LCN9: variants seen among roughly 807,000 people sequenced by gnomAD.
The protein encoded by LCN9 is lipocalin 9, also known as epididymal-specific lipocalin-9.
Under a neutral mutation model 18.5 loss-of-function variants are expected in LCN9, and 22 were observed. The ratio of observed to expected loss-of-function variants is 1.19; its 90% CI spans 0.85 to 1.70. LCN9 has a LOEUF of 1.70. Among genes scored for constraint, LCN9 ranks in the 40% most tolerant of loss-of-function variants. The pLI, the probability that LCN9 is intolerant of heterozygous loss-of-function variation, is 0.00. For missense variants in LCN9, 202 were observed against 201.3 expected, an observed-to-expected ratio of 1.00 and a Z score of -0.02; for synonymous variants, 89 against 83.0, an observed-to-expected ratio of 1.07 and a Z score of -0.39.
chr9:135,666,607 C>T (rs144428001), exon 6 of LCN9, among the ~76,000 whole-genome samples: 1 of 152,258 alleles, frequency 6.6e-6, no homozygotes, highest in Non-Finnish European at 1.5e-5. Context: ...CCCAGGGCCC[C>T]CTTCCCTTCC....
At chr9:135,663,392 T>C (rs1355843933) in exon 1 of LCN9, 1 of 1,613,930 alleles carries the variant, frequency 6.2e-7, no homozygotes, top group South Asian at 1.1e-5. Context: ...CACACCGTTA[T>C]GCAGAGGAAC....
chr9:135,664,844 T>C lies in LCN9; in HGVS notation c.307+49T>C. 6.6e-7 allele frequency: 1 copy of C among 1,526,062 alleles called. No individual in the cohort carries two copies. Among genetic ancestry groups the C allele is most frequent in the Non-Finnish European group, 8.9e-7 (1 of 1,125,498 alleles). 94.5% of individuals were successfully genotyped at this position (1,526,062 alleles called of 1,614,324 possible). A position where few individuals can be genotyped will look rare whatever the true frequency, so the allele number is the denominator to read the frequency against. On this transcript the variant is annotated intron_variant, in intron 3 of 5. Transcript: ENST00000619315. This position sits in a 1 kb window ranked among gnomAD's most constrained non-coding sequence, Gnocchi z 4.5. ...TGGTCTCACAGTCGGGGGTCTCCTT[T>C]CTCCAGGGCCTGGGCCATATTCTGG...
Position 135,664,644 on chromosome 9 carries a change from G to A in LCN9, c.234-78G>A, listed in dbSNP as rs373460788. On this transcript the variant is annotated intron_variant, in intron 2 of 5. Transcript: ENST00000619315. The surrounding 1 kb of genome is among the most constrained non-coding windows in gnomAD (Gnocchi z 4.5). ...CATTGGGAGGGTGAGCCTGTGCCCT[G>A]GAGGAGGGGTGCTCTCTGCCATCGC... 1 of 1,300,674 alleles carries A rather than the reference G, an allele frequency of 7.7e-7. No homozygotes were observed. Among genetic ancestry groups the A allele is most frequent in the Non-Finnish European group, 1.1e-6 (1 of 949,132 alleles). The allele number at this position is 1,300,674 out of a possible 1,614,324, so 80.6% of individuals were successfully genotyped here.
Position 135,665,656 on chromosome 9 carries a change from G to T in LCN9, c.419-32G>T, listed in dbSNP as rs770310916. 9 of 1,600,562 alleles carry T rather than the reference G, an allele frequency of 5.6e-6. No individual in the cohort carries two copies. In the Admixed American group the frequency reaches 1.2e-4, roughly 21 times the overall value. On this transcript the variant is annotated intron_variant, in intron 4 of 5. Transcript: ENST00000619315. This position sits in a 1 kb window ranked among gnomAD's most constrained non-coding sequence, Gnocchi z 5.9. ...AGAACCAACTCTGTTCCCAGCACGG[G>T]TCCCATAGCTGGAACCCTCCTTCCT... is the stretch of plus-strand genomic sequence containing the variant.
In LCN9 at chr9:135,664,124, C is replaced by T. The variant is rs770233119; in HGVS notation, c.97-38C>T. ...GGGCGCTAAGCATCCCCAGGGCTGT[C>T]CCGCGGCCCCCCACCCACTGGAGCT... On this transcript the variant is annotated intron_variant, in intron 1 of 5. Coordinates refer to ENST00000619315, the Ensembl canonical transcript of LCN9. The surrounding 1 kb of genome is among the most constrained non-coding windows in gnomAD (Gnocchi z 4.5). 21 of 1,600,554 alleles carry T rather than the reference C, an allele frequency of 1.3e-5. No homozygotes were observed. Among genetic ancestry groups the T allele is most frequent in the Non-Finnish European group, 1.8e-5 (21 of 1,171,330 alleles).
exon 1 of LCN9, chr9:135,663,315 G>A (rs10776838): frequency 0.18 from 282,988 of 1,611,128 alleles, 26,498 homozygotes; most frequent in Non-Finnish European, 0.19. Flanking sequence ...AGGCGTCCAC[G>A]GCAAAGATGG....
In LCN9 at chr9:135,664,733, A is replaced by C. The variant is rs1834187543; in HGVS notation, c.245A>C (p.Glu82Ala). 2.5e-6 allele frequency: 4 copies of C among 1,594,064 alleles called. No homozygotes were observed. Among genetic ancestry groups the C allele is most frequent in the Non-Finnish European group, 3.4e-6 (4 of 1,171,324 alleles). Residue 82 changes from glutamate to alanine, a missense_variant, in exon 3 of 6, where the codon GAG (glutamate) becomes GCG (alanine). Coordinates refer to ENST00000619315, the Ensembl canonical transcript of LCN9. This position sits in a 1 kb window ranked among gnomAD's most constrained non-coding sequence, Gnocchi z 4.5. ...TGGCTGGCTTCCAGGGTGCAGGGGGAGTGTGTGGCTGTGGTCGTGGTCTGC... is the reference window on the plus strand; with the variant it reads ...TGGCTGGCTTCCAGGGTGCAGGGGGCGTGTGTGGCTGTGGTCGTGGTCTGC...
At position 135,665,113 on chromosome 9, in the gene LCN9, G is replaced by T. The variant is rs532234226; in HGVS notation, c.308-132G>T. 3 of 692,168 alleles carry T rather than the reference G, an allele frequency of 4.3e-6. No homozygotes were observed. The highest frequency in any genetic ancestry group is 3.5e-5 in the African/African-American group (2 of 57,278). The allele number at this position is 692,168 out of a possible 1,614,324, so 42.9% of individuals were successfully genotyped here. On this transcript the variant is annotated intron_variant, in intron 3 of 5. Coordinates refer to ENST00000619315, the Ensembl canonical transcript of LCN9. The surrounding 1 kb of genome is among the most constrained non-coding windows in gnomAD (Gnocchi z 5.9). The stretch of plus-strand genomic sequence containing the variant: ...CTGTGCAGGGGTCTCCGCTGGGTGA[G>T]CACCGTGGGCTCCTCCCCTCCCGCC...
chr9:135,666,206 G>A (rs1035752625), exon 6 of LCN9: 2 of 1,496,270 alleles, frequency 1.3e-6, no homozygotes, highest in African/African-American at 2.8e-5. Context: ...CTCACAGCCT[G>A]GAGCCCGAGG....
chr9:135,666,684 A>C (rs937543088), exon 6 of LCN9, among the ~76,000 whole-genome samples: 1 of 152,086 alleles, frequency 6.6e-6, no homozygotes, highest in African/African-American at 2.4e-5. Flanking sequence ...AGGGTTCCTG[A>C]GGGTAAAGGA....
At chr9:135,666,005 T>C in exon 6 of LCN9, 1 of 1,598,938 alleles carries the variant, frequency 6.3e-7, no homozygotes, top group Non-Finnish European at 8.5e-7. Context: ...TGCCCATCCC[T>C]CCCCCTGGTC....
intron 1 of LCN9, 120 bp downstream of exon 1, chr9:135,663,537 C>T (rs556492284): frequency 2.5e-6 from 2 of 794,056 alleles, no homozygotes; most frequent in South Asian, 1.6e-5. Context: ...CACCTCTCCT[C>T]CCCAAGCTGT....
At chr9:135,666,139 G>A (rs374993755) in exon 6 of LCN9, 67 of 1,593,504 alleles carry the variant, frequency 4.2e-5, no homozygotes, top group Non-Finnish European at 5.3e-5. Flanking sequence ...CCCTGTGTGA[G>A]TCTCCAGGGG....
rs778821905 is a variant in LCN9, at chr9:135,665,861, A to G, written c.*10A>G. ...CTGAGAGCCCCCTCTGTCCTTCCAG[A>G]TCCCTGCTACTCCAAGCATTACAGG... On this transcript the variant is annotated splice_region_variant and 3_prime_UTR_variant, in exon 6 of 6. Coordinates refer to ENST00000619315, the Ensembl canonical transcript of LCN9. The surrounding 1 kb of genome is among the most constrained non-coding windows in gnomAD (Gnocchi z 5.9). The G allele has an allele frequency of 6.2e-7, 1 of 1,612,732 alleles. No individual in the cohort carries two copies. The highest frequency in any genetic ancestry group is 1.7e-5 in the Admixed American group (1 of 59,884).
chr9:135,665,908 CGTGA>C lies in LCN9; in HGVS notation c.*59_*62del. The C allele has an allele frequency of 6.2e-7, 1 of 1,611,324 alleles. No homozygotes were observed. The highest frequency in any genetic ancestry group is 8.5e-7 in the Non-Finnish European group (1 of 1,179,236). ...CAGGAGCCCGCCCAGGCCTCCCATGCGTGAGCTGCGACTCGGGACGGGCAGGGGG... is the reference window on the plus strand; with the variant it reads ...CAGGAGCCCGCCCAGGCCTCCCATGCGCTGCGACTCGGGACGGGCAGGGGG... On this transcript the variant is annotated 3_prime_UTR_variant, in exon 6 of 6. Coordinates refer to ENST00000619315, the Ensembl canonical transcript of LCN9. This position sits in a 1 kb window ranked among gnomAD's most constrained non-coding sequence, Gnocchi z 5.9.
chr9:135,664,060 C>A lies in LCN9; in HGVS notation c.97-102C>A. 1.5e-6 allele frequency: 2 copies of A among 1,303,628 alleles called. No individual in the cohort carries two copies. Among genetic ancestry groups the A allele is most frequent in the Non-Finnish European group, 2.1e-6 (2 of 947,722 alleles). 80.8% of individuals were successfully genotyped at this position (1,303,628 alleles called of 1,614,324 possible). Reference sequence around the variant, plus strand: ...AGGGCGGAGGGGTTCTGGTTGGGAGCCAGATGCTAAGGGGCCGGGCCCTGG... The same window carrying A: ...AGGGCGGAGGGGTTCTGGTTGGGAGACAGATGCTAAGGGGCCGGGCCCTGG... On this transcript the variant is annotated intron_variant, in intron 1 of 5. Coordinates refer to ENST00000619315, the Ensembl canonical transcript of LCN9. This position sits in a 1 kb window ranked among gnomAD's most constrained non-coding sequence, Gnocchi z 4.5.
rs1156588302 is a variant in LCN9, at chr9:135,664,248, G to A, written c.183G>A (p.Arg61=). The A allele has an allele frequency of 6.2e-7, 1 of 1,613,830 alleles. No individual in the cohort carries two copies. The highest frequency in any genetic ancestry group is 1.1e-5 in the South Asian group (1 of 91,068). ...ATGGAGACCTGAGGGTCTTCGTCCG[G>A]AATATTGAACACTTGAAGAACGGCA... The change falls in exon 2 of 6, where the codon CGG becomes CGA. Residue 61 remains arginine, a synonymous_variant. Coordinates refer to ENST00000619315, the Ensembl canonical transcript of LCN9. This position sits in a 1 kb window ranked among gnomAD's most constrained non-coding sequence, Gnocchi z 4.5.
At chr9:135,666,581 C>G (rs1370554776) in exon 6 of LCN9, among the ~76,000 whole-genome samples, 1 of 152,084 alleles carries the variant, frequency 6.6e-6, no homozygotes, top group African/African-American at 2.4e-5. Flanking sequence ...GACATGGTCC[C>G]AGCCCAGTAA....
exon 6 of LCN9, chr9:135,666,235 C>A: frequency 1.6e-6 from 2 of 1,279,744 alleles, no homozygotes; most frequent in Non-Finnish European, 2.2e-6. Flanking sequence ...CCGAGGTCCG[C>A]AGGGCTGTGC....
Sources: gnomAD v4.1 joint callset for allele counts (sites outside exome capture counted in the v4.1 genomes callset) on GRCh38, gnomAD v4.1.1 for gene constraint, Gnocchi (gnomAD v3.1) non-coding constraint, MANE v1.5 for transcripts, NCBI Gene and HGNC (gene_info 2026-07-23, HGNC 2026-07-21) for gene names.